Variants in ANKRD28 observed in about 807,000 individuals in gnomAD.
ANKRD28 encodes ankyrin repeat domain 28.
ANKRD28 carries 44 observed loss-of-function variants against 126.5 expected under a neutral mutation model. The ratio of observed to expected loss-of-function variants is 0.35; its 90% CI spans 0.27 to 0.45. The LOEUF (loss-of-function observed/expected upper bound fraction) is 0.45. ANKRD28 is among the 20% of genes least tolerant of loss of function. The pLI is 1.00. For synonymous variants in ANKRD28, 442 were observed against 468.5 expected (o/e 0.94, Z 0.73); for missense variants, 1,110 against 1,316.6 (o/e 0.84, Z 2.43).
intron 17 of ANKRD28, among the ~76,000 whole-genome samples, chr3:15,691,362 A>T (rs977387703): frequency 6.6e-6 from 1 of 152,044 alleles, no homozygotes; most frequent in Non-Finnish European, 1.5e-5. Context: ...TGACCTTGTG[A>T]TCCGCCCGCC....
intron 3 of ANKRD28, among the ~76,000 whole-genome samples, chr3:15,755,539 C>A (rs1458640283): frequency 6.6e-6 from 1 of 152,110 alleles, no homozygotes; most frequent in East Asian, 1.9e-4. Flanking sequence ...CAAATTCATT[C>A]TAGAAATGGA....
chr3:15,737,163 A>T lies in ANKRD28; in HGVS notation c.422T>A (p.Leu141Ter). ...AGCTTTATTAGCAGCAGCTATATGT[A>T]AAGGGGTTTGCCAATTTTTGTCTCG... The part of the protein sequence containing the change: ...NARDKNWQTP[L>*]HIAAANKAVK... Residue 141 changes from leucine (L) to a stop codon, truncating the protein, a stop_gained, in exon 5 of 28, where the codon TTA (leucine) becomes TAA (stop). Coordinates refer to ENST00000683139, the MANE Select transcript of ANKRD28 (RefSeq NM_001349278.2). LOFTEE classifies it high-confidence loss of function. 6.2e-7 allele frequency: 1 copy of T among 1,614,006 alleles called. No individual in the cohort carries two copies. The highest frequency in any genetic ancestry group is 8.5e-7 in the Non-Finnish European group (1 of 1,179,878).
chr3:15,693,547 A>T (rs1408428922), intron 17 of ANKRD28, among the ~76,000 whole-genome samples: 1 of 152,116 alleles, frequency 6.6e-6, no homozygotes, highest in Non-Finnish European at 1.5e-5. Flanking sequence ...CACAAGGCGG[A>T]AATAGTCTGG....
At chr3:15,828,113 A>G (rs2061108465) in intron 1 of ANKRD28, among the ~76,000 whole-genome samples, 3 of 152,192 alleles carry the variant, frequency 2.0e-5, no homozygotes, top group Admixed American at 2.0e-4. Flanking sequence ...TGTATAAAAT[A>G]TATGGCAGAA....
In ANKRD28 at chr3:15,817,385, C is replaced by G. The variant is rs751720279; in HGVS notation, c.28-22079G>C. ...TATCAATTGCTCACAACATTAAGTT[C>G]CTAGAGCTACCGGTAGGCACCATTT... is the stretch of plus-strand genomic sequence containing the variant. On this transcript the variant is annotated intron_variant, in intron 1 of 27. Coordinates refer to the ANKRD28 transcript ENST00000399451. This position sits in a 1 kb window ranked among gnomAD's most constrained non-coding sequence, Gnocchi z 4.5. 6.6e-6 allele frequency among the ~76,000 whole-genome samples: 1 copy of G among 152,072 alleles called. No individual in the cohort carries two copies. Among genetic ancestry groups the G allele is most frequent in the Non-Finnish European group, 1.5e-5 (1 of 68,006 alleles).
intron 2 of ANKRD28, among the ~76,000 whole-genome samples, chr3:15,778,992 T>C (rs1193125282): frequency 6.6e-6 from 1 of 152,176 alleles, no homozygotes; most frequent in East Asian, 1.9e-4. Flanking sequence ...AAGAGGTGCC[T>C]TCTGCCATGA....
Position 15,694,775 on chromosome 3 carries a change from T to C in ANKRD28, c.1725A>G (p.Ser575=). The C allele has an allele frequency of 1.2e-6, 2 of 1,613,576 alleles. No individual in the cohort carries two copies. Among genetic ancestry groups the C allele is most frequent in the Non-Finnish European group, 1.7e-6 (2 of 1,179,530 alleles). The change falls in exon 17 of 28, where the codon TCA becomes TCG. Residue 575 remains serine (S), a synonymous_variant. Transcript: ENST00000683139. ...AAGGGCTTATTGTTGCTCTATTATC[T>C]GAATCACTCAGCATGTCTGTTCCTG... The part of the protein sequence containing the change: ...ETSGTDMLSD[S]DNRATISPLH...
At chr3:15,859,243 G>T in intron 1 of ANKRD28, 1 of 1,328,142 alleles carries the variant, frequency 7.5e-7, no homozygotes, top group Non-Finnish European at 9.9e-7. Flanking sequence ...TCTCGCGCAG[G>T]TCCCCGGGGC....
chr3:15,760,076 TC>T (rs2058372353), intron 3 of ANKRD28, among the ~76,000 whole-genome samples: 1 of 152,014 alleles, frequency 6.6e-6, no homozygotes, highest in African/African-American at 2.4e-5. Context: ...AACTCATTGA[TC>T]TAAGAAGCTG....
At chr3:15,813,791 C>A (rs2125892339) in intron 1 of ANKRD28, among the ~76,000 whole-genome samples, 1 of 152,270 alleles carries the variant, frequency 6.6e-6, no homozygotes, top group African/African-American at 2.4e-5. Context: ...CCAGTGATTA[C>A]TGAATGACTG....
chr3:15,742,507 C>T (rs1413134734), intron 4 of ANKRD28, among the ~76,000 whole-genome samples: 3 of 141,230 alleles, frequency 2.1e-5, no homozygotes, highest in Non-Finnish European at 4.6e-5. Context: ...CTGGCAACCG[C>T]CCCATATGAG....
chr3:15,855,023 T>C (rs2061733683), intron 1 of ANKRD28, among the ~76,000 whole-genome samples: 1 of 152,044 alleles, frequency 6.6e-6, no homozygotes, highest in Non-Finnish European at 1.5e-5. Context: ...CACTCCAGCC[T>C]GGTGACAGAG....
At chr3:15,764,426 T>A (rs1395203910) in intron 3 of ANKRD28, among the ~76,000 whole-genome samples, 1 of 151,972 alleles carries the variant, frequency 6.6e-6, no homozygotes, top group African/African-American at 2.4e-5. Context: ...AACCAGGAAG[T>A]CAACCTTCTA....
chr3:15,718,424 T>C (rs2124845017), intron 8 of ANKRD28, among the ~76,000 whole-genome samples: 1 of 152,268 alleles, frequency 6.6e-6, no homozygotes, highest in South Asian at 2.1e-4. Context: ...TCTAAATTAT[T>C]AAGGAGGTAA....
chr3:15,755,026 G>A (rs1274693319), intron 3 of ANKRD28, among the ~76,000 whole-genome samples: 1 of 152,146 alleles, frequency 6.6e-6, no homozygotes, highest in Non-Finnish European at 1.5e-5. Flanking sequence ...CTACTCGGGA[G>A]GCTGAGGCAG....
chr3:15,679,271 A>G (rs745427661), intron 23 of ANKRD28, 30 bp downstream of exon 23: 1 of 1,600,962 alleles, frequency 6.2e-7, no homozygotes, highest in Non-Finnish European at 8.6e-7. Context: ...TGCCTGGCTA[A>G]AACTATTTAA....
intron 2 of ANKRD28, among the ~76,000 whole-genome samples, chr3:15,769,976 A>C (rs938360671): frequency 2.6e-5 from 4 of 152,032 alleles, no homozygotes; most frequent in African/African-American, 9.7e-5. Context: ...CTGAGCAAGG[A>C]AGAGTACACT....
At chr3:15,737,268 G>A in intron 4 of ANKRD28, 35 bp from the exon 5 acceptor site, 1 of 1,563,984 alleles carries the variant, frequency 6.4e-7, no homozygotes, top group Non-Finnish European at 8.7e-7. Context: ...AGACAAATGA[G>A]TTAAGAGTTT....
rs765409487 is a variant in ANKRD28 at position 15,839,895 on chromosome 3, C to T, written c.27+19482G>A. Among the ~76,000 whole-genome samples the T allele has an allele frequency of 3.3e-5, 5 of 152,112 alleles. No individual in the cohort carries two copies. The highest frequency in any genetic ancestry group is 7.4e-5 in the Non-Finnish European group (5 of 68,002). ...CTCACAAAACTAGATACAGAAGAAA[C>T]ATACCTCAACATAATGAAAGCCATA... On this transcript the variant is annotated intron_variant, in intron 1 of 27. Coordinates refer to the ANKRD28 transcript ENST00000399451. The surrounding 1 kb of genome is among the most constrained non-coding windows in gnomAD (Gnocchi z 4.3).
Sources: allele counts gnomAD v4.1 joint callset (sites outside exome capture counted in the v4.1 genomes callset), GRCh38; gene constraint gnomAD v4.1.1; non-coding constraint Gnocchi (gnomAD v3.1); transcripts MANE v1.5; gene names NCBI Gene and HGNC (gene_info 2026-07-23, HGNC 2026-07-21).